Variants in THOC5 observed in about 807,000 individuals in gnomAD.
THOC5 encodes THO complex subunit 5.
THOC5 carries 43 observed loss-of-function variants against 92.9 expected under a neutral mutation model. The ratio of observed to expected loss-of-function variants is 0.46; its 90% CI spans 0.36 to 0.60. The LOEUF is 0.60. Ranked by LOEUF, THOC5 falls within the 20% of genes least tolerant of loss-of-function variation. The pLI is 0.00. For missense variants in THOC5, 659 were observed against 849.4 expected, an observed-to-expected ratio of 0.78 and a Z score of 2.79; for synonymous variants, 296 against 320.1, an observed-to-expected ratio of 0.92 and a Z score of 0.80.
In THOC5 at chr22:29,525,940, C is replaced by T. The variant is rs531814697; in HGVS notation, c.1073G>A (p.Ser358Asn). The T allele has an allele frequency of 1.9e-6, 3 of 1,612,260 alleles. No homozygotes were observed. The highest frequency in any genetic ancestry group is 2.5e-6 in the Non-Finnish European group (3 of 1,179,084). Residue 358 changes from serine to asparagine, a missense_variant, in exon 12 of 20, where the codon AGT (serine) becomes AAT (asparagine). Coordinates refer to ENST00000490103, the MANE Select transcript of THOC5 (RefSeq NM_003678.5). ...VMLDLKCKDDSVLHLTFYYLM... is the reference protein window; with the variant it reads ...VMLDLKCKDDNVLHLTFYYLM... ...GTAGTAGAAAGTCAGGTGAAGCACA[C>T]TGTCATCTGGAGGGGAGGAAGATGA... is the stretch of plus-strand genomic sequence containing the variant.
At chr22:29,545,948 G>A (rs467510) in intron 2 of THOC5, among the ~76,000 whole-genome samples, 145,298 of 152,360 alleles carry the variant, frequency 0.95, 69,353 homozygotes, top group East Asian at 1. Flanking sequence ...GCCCTAGCAG[G>A]GGTTCTCCAT....
At chr22:29,549,511 C>T (rs2064098818) in intron 1 of THOC5, among the ~76,000 whole-genome samples, 1 of 152,206 alleles carries the variant, frequency 6.6e-6, no homozygotes, top group South Asian at 2.1e-4. Flanking sequence ...TCCATCTCAA[C>T]ACCCTAGGCC....
chr22:29,531,821 C>T lies in THOC5; in HGVS notation c.847+10G>A, dbSNP rs535753469. On this transcript the variant is annotated intron_variant, in intron 8 of 19. Transcript: ENST00000490103. ...ATAGCCCCTTGTCCTCACCCAGGCC[C>T]CATACTCACCACAGGCCTGCCCATA... 10 of 1,613,388 alleles carry T rather than the reference C, an allele frequency of 6.2e-6. No homozygotes were observed. The South Asian group carries it at 1.1e-4, about 18-fold the overall frequency.
intron 2 of THOC5, among the ~76,000 whole-genome samples, chr22:29,547,570 A>T (rs2064049520): frequency 6.6e-6 from 1 of 151,924 alleles, no homozygotes; most frequent in Non-Finnish European, 1.5e-5. Context: ...TCACCATCTT[A>T]GCCAGGCTGG....
At chr22:29,543,186 AAT>A in intron 4 of THOC5, among the ~76,000 whole-genome samples, 1 of 151,902 alleles carries the variant, frequency 6.6e-6, no homozygotes, top group African/African-American at 2.4e-5. Context: ...TCTACTAAAA[AAT>A]ACAAAAATTA....
At chr22:29,532,024 G>A in intron 7 of THOC5, 61 bp from the exon 8 acceptor site, 3 of 1,577,870 alleles carry the variant, frequency 1.9e-6, no homozygotes, top group African/African-American at 1.4e-5. Context: ...AGGAAAAAGT[G>A]GCTACTTAGT....
chr22:29,508,942 T>C (rs2063170472), intron 19 of THOC5, among the ~76,000 whole-genome samples: 1 of 151,972 alleles, frequency 6.6e-6, no homozygotes, highest in African/African-American at 2.4e-5. Flanking sequence ...ATTACAGGCA[T>C]GCACCACCAC....
At chr22:29,540,650 A>G (rs1325567282) in intron 5 of THOC5, among the ~76,000 whole-genome samples, 1 of 152,224 alleles carries the variant, frequency 6.6e-6, no homozygotes, top group Non-Finnish European at 1.5e-5. Context: ...AGACCAGTGC[A>G]TCACATTATT....
intron 19 of THOC5, 61 bp from the exon 20 acceptor site, chr22:29,508,581 A>G (rs1236247544): frequency 2.1e-6 from 3 of 1,448,588 alleles, no homozygotes; most frequent in Non-Finnish European, 2.9e-6. Context: ...AAAATAAATT[A>G]TGGTTCATTC....
intron 14 of THOC5, among the ~76,000 whole-genome samples, chr22:29,519,448 C>G (rs1472941507): frequency 6.6e-6 from 1 of 152,208 alleles, no homozygotes; most frequent in Non-Finnish European, 1.5e-5. Context: ...AGCCTGCAGA[C>G]ATGAGTCCCA....
Position 29,531,943 on chromosome 22 carries a change from C to T in THOC5, c.735G>A (p.Glu245=). The T allele has an allele frequency of 6.2e-7, 1 of 1,614,172 alleles. No homozygotes were observed. The highest frequency in any genetic ancestry group is 8.5e-7 in the Non-Finnish European group (1 of 1,180,032). Residue 245 remains glutamate, a synonymous_variant, in exon 8 of 20, where the codon GAG becomes GAA. Transcript: ENST00000490103. ...SIMQASLPVQ[E]YLFMPFDQAH... is the part of the protein sequence containing the mutation. ...CCTGGTCGAATGGCATAAACAGGTA[C>T]TCCTGCACCGGAAGGGAAGCCTGCA...
intron 17 of THOC5, among the ~76,000 whole-genome samples, chr22:29,515,542 GA>G (rs2063317548): frequency 6.6e-6 from 1 of 151,774 alleles, no homozygotes; most frequent in South Asian, 2.1e-4. Context: ...GAGATAAAAG[GA>G]AGACCGGGTG....
chr22:29,519,144 ACACGTGTGCTCCCC>A, intron 14 of THOC5, 24 bp from the exon 15 acceptor site: 1 of 1,523,944 alleles, frequency 6.6e-7, no homozygotes, highest in Non-Finnish European at 9.0e-7. Context: ...TGAGACACAT[ACACGTGTGCTCCCC>A]CATCCCTTCC....
chr22:29,530,257 G>A (rs984007305), intron 8 of THOC5, among the ~76,000 whole-genome samples: 1 of 151,932 alleles, frequency 6.6e-6, no homozygotes, highest in Non-Finnish European at 1.5e-5. Context: ...TAGGCTGGGT[G>A]TGGTGGCTCA....
At chr22:29,519,937 C>T in intron 14 of THOC5, 71 bp downstream of exon 14, 1 of 1,345,848 alleles carries the variant, frequency 7.4e-7, no homozygotes, top group South Asian at 1.3e-5. Context: ...CCTGGCCTGG[C>T]CTTTCTAGAG....
At chr22:29,545,174 AC>A in intron 2 of THOC5, 1 of 337,980 alleles carries the variant, frequency 3.0e-6, no homozygotes, top group Non-Finnish European at 5.8e-6. Flanking sequence ...CCCCTTATAA[AC>A]CCATCAGATG....
intron 12 of THOC5, among the ~76,000 whole-genome samples, chr22:29,521,361 G>A (rs983529605): frequency 6.6e-6 from 1 of 152,194 alleles, no homozygotes; most frequent in African/African-American, 2.4e-5. Context: ...CACACTGCTA[G>A]TAAGTGCTAG....
rs138718205 is a variant in THOC5, at chr22:29,525,859, A to G, written c.1154T>C (p.Leu385Pro). 6.3e-5 allele frequency: 101 copies of G among 1,613,842 alleles called. No homozygotes were observed. Among genetic ancestry groups the G allele is most frequent in the Admixed American group, 4.7e-4 (28 of 59,994 alleles). Residue 385 changes from leucine to proline, a missense_variant, in exon 12 of 20, where the codon CTG (leucine) becomes CCG (proline). Physicochemically the swap from Leu to Pro is moderately conservative, Grantham distance 98 (BLOSUM62 -3). Coordinates refer to ENST00000490103, the MANE Select transcript of THOC5 (RefSeq NM_003678.5). ...ATACCCTGCACTGATGGGGGTGATC[A>G]GCTCCATGGCAGTTGTCACTTTGGC... The part of the protein sequence containing the change: ...VKAKVTTAME[L>P]ITPISAGDLL...
In THOC5 at chr22:29,511,194, C is replaced by T. The variant is rs764590279; in HGVS notation, c.1900G>A (p.Asp634Asn). Reference protein sequence around the residue: ...NQLQRLCVLLDVYLETESHDD... With the variant: ...NQLQRLCVLLNVYLETESHDD... ...TGGCTCTCGGTCTCCAGGTAAACATCCAGCAGCACACACAGCCGCTGCAGC... is the reference window on the plus strand; with the variant it reads ...TGGCTCTCGGTCTCCAGGTAAACATTCAGCAGCACACACAGCCGCTGCAGC... The change falls in exon 19 of 20, where the codon GAT becomes AAT. Residue 634 changes from aspartate (D) to asparagine (N), a missense_variant. Transcript: ENST00000490103. The T allele has an allele frequency of 6.2e-7, 1 of 1,614,242 alleles. No individual in the cohort carries two copies. The highest frequency in any genetic ancestry group is 8.5e-7 in the Non-Finnish European group (1 of 1,180,038).
Sources: gnomAD v4.1 joint callset for allele counts (sites outside exome capture counted in the v4.1 genomes callset) on GRCh38, gnomAD v4.1.1 for gene constraint, MANE v1.5 for transcripts, NCBI Gene and HGNC (gene_info 2026-07-23, HGNC 2026-07-21) for gene names.